Variants in ADCY1 observed in about 807,000 individuals in gnomAD.
ADCY1 encodes adenylate cyclase 1, also known as adenylate cyclase type 1.
In ADCY1, 28 loss-of-function variants were observed where a neutral mutation model predicts 105.4. That is an observed-to-expected ratio of 0.27 (90% CI 0.20 to 0.36). The LOEUF (loss-of-function observed/expected upper bound fraction) is 0.36, where lower values mean the gene tolerates loss of function less well. Ranked by LOEUF, ADCY1 falls within the 10% of genes least tolerant of loss-of-function variation. The pLI is 1.00. For missense variants in ADCY1, 977 were observed against 1,434.2 expected, an observed-to-expected ratio of 0.68 and a Z score of 5.15; for synonymous variants, 655 against 623.8, an observed-to-expected ratio of 1.05 and a Z score of -0.75.
intron 8 of ADCY1, among the ~76,000 whole-genome samples, chr7:45,664,116 G>A (rs969947548): frequency 6.6e-6 from 1 of 152,178 alleles, no homozygotes; most frequent in Admixed American, 6.5e-5. Context: ...GGAGGGTGAG[G>A]AACCTGATCA....
chr7:45,718,754 GA>G lies in ADCY1; in HGVS notation c.*4760del. On this transcript the variant is annotated 3_prime_UTR_variant, in exon 20 of 20. Coordinates refer to ENST00000297323, the MANE Select transcript of ADCY1 (RefSeq NM_021116.4). ...ATCCCAGCTGGACTGAGCCTGGGGG[GA>G]GGGGCTGGAGCCAAGGAGCCCCCCT... 6.6e-6 allele frequency: 1 copy of G among 152,590 alleles called. No homozygotes were observed. The highest frequency in any genetic ancestry group is 1.5e-5 in the Non-Finnish European group (1 of 68,244). The allele number at this position is 152,590 out of a possible 1,614,324, so 9.5% of individuals were successfully genotyped here. A position where few individuals can be genotyped will look rare whatever the true frequency, so the allele number is the denominator to read the frequency against.
chr7:45,652,050 C>A (rs1584304559), intron 5 of ADCY1, among the ~76,000 whole-genome samples: 1 of 152,160 alleles, frequency 6.6e-6, no homozygotes, highest in Non-Finnish European at 1.5e-5. Context: ...AGGAGACTTA[C>A]AATCATGGCG....
At chr7:45,694,207 C>G (rs1784838385) in intron 14 of ADCY1, among the ~76,000 whole-genome samples, 1 of 151,312 alleles carries the variant, frequency 6.6e-6, no homozygotes, top group Non-Finnish European at 1.5e-5. Flanking sequence ...AATACGCATT[C>G]TATTCAAGAG....
Position 45,662,114 on chromosome 7 carries a change from A to G in ADCY1, c.1505A>G (p.Lys502Arg), listed in dbSNP as rs997077916. Residue 502 changes from lysine (K) to arginine (R), a missense_variant, in exon 8 of 20, where the codon AAG becomes AGG. Transcript: ENST00000297323. ...DIKPAKRMKF[K>R]TVCYLLVQLM... Reference sequence around the variant, plus strand: ...AAACCGGCCAAAAGGATGAAGTTCAAGACTGTCTGCTACCTGCTGGTGCAG... The same window carrying G: ...AAACCGGCCAAAAGGATGAAGTTCAGGACTGTCTGCTACCTGCTGGTGCAG... The G allele has an allele frequency of 1.2e-6, 2 of 1,614,182 alleles. No individual in the cohort carries two copies. Among genetic ancestry groups the G allele is most frequent in the African/African-American group, 2.7e-5 (2 of 75,074 alleles).
chr7:45,636,530 T>A (rs1382670527), intron 4 of ADCY1, among the ~76,000 whole-genome samples: 2 of 152,142 alleles, frequency 1.3e-5, no homozygotes, highest in East Asian at 3.9e-4. Context: ...CTTTTATTTT[T>A]AGTCTGTTTG....
intron 3 of ADCY1, among the ~76,000 whole-genome samples, chr7:45,618,365 AC>A (rs1337135433): frequency 6.6e-6 from 1 of 152,208 alleles, no homozygotes; most frequent in Non-Finnish European, 1.5e-5. Flanking sequence ...TAAGACAAAA[AC>A]TAGAGAAATG....
At chr7:45,610,586 T>G in intron 3 of ADCY1, 89 bp downstream of exon 3, 41 of 1,110,654 alleles carry the variant, frequency 3.7e-5, no homozygotes, top group Non-Finnish European at 4.4e-5. Flanking sequence ...ATGACAGAAG[T>G]GGGGAAGGGA....
In ADCY1 at chr7:45,651,344, TC is replaced by T. The variant is rs1242432354; in HGVS notation, c.1148+2551del. Reference sequence around the variant, plus strand: ...TGGGACCATCTTGGCATCTGGTGCATCCCCTGCCAGCCACATTGGGCTGTGT... The same window carrying T: ...TGGGACCATCTTGGCATCTGGTGCATCCCTGCCAGCCACATTGGGCTGTGT... On this transcript the variant is annotated intron_variant, in intron 5 of 19. Transcript: ENST00000297323. Among the ~76,000 whole-genome samples, 7 of 152,204 alleles carry T rather than the reference TC, an allele frequency of 4.6e-5. No homozygotes were observed. In the East Asian group the frequency reaches 1.3e-3, roughly 29 times the overall value.
chr7:45,668,787 A>C (rs1246051895), intron 8 of ADCY1, among the ~76,000 whole-genome samples: 3 of 152,100 alleles, frequency 2.0e-5, no homozygotes, highest in African/African-American at 7.2e-5. Context: ...GTAAGCTATT[A>C]ATTATTGCCT....
chr7:45,660,581 AG>A (rs1795068868), intron 7 of ADCY1, among the ~76,000 whole-genome samples: 1 of 152,222 alleles, frequency 6.6e-6, no homozygotes, highest in African/African-American at 2.4e-5. Flanking sequence ...GGGGCACTTG[AG>A]GTCACCCTGC....
At chr7:45,586,095 T>C (rs2115742460) in intron 1 of ADCY1, among the ~76,000 whole-genome samples, 1 of 152,298 alleles carries the variant, frequency 6.6e-6, no homozygotes, top group South Asian at 2.1e-4. Context: ...GTTCCTCACT[T>C]TCCTGCTGGT....
At position 45,718,132 on chromosome 7, in the gene ADCY1, A is replaced by T. The variant is rs1451219740; in HGVS notation, c.*4137A>T. The T allele has an allele frequency of 6.6e-6, 1 of 152,128 alleles. No individual in the cohort carries two copies. Among genetic ancestry groups the T allele is most frequent in the African/African-American group, 2.4e-5 (1 of 41,396 alleles). 9.4% of individuals were successfully genotyped at this position (152,128 alleles called of 1,614,324 possible). ...CAGACAGAGCCGGCGTTAAACCCCGATCAGGTCATTGTCACCACACCCTTG... is the reference window on the plus strand; with the variant it reads ...CAGACAGAGCCGGCGTTAAACCCCGTTCAGGTCATTGTCACCACACCCTTG... On this transcript the variant is annotated 3_prime_UTR_variant, in exon 20 of 20. Coordinates refer to ENST00000297323, the MANE Select transcript of ADCY1 (RefSeq NM_021116.4).
At chr7:45,684,563 A>G (rs1228261428) in intron 11 of ADCY1, 2 of 154,398 alleles carry the variant, frequency 1.3e-5, no homozygotes, top group African/African-American at 4.8e-5. Context: ...TAATAACTCT[A>G]TAAAACCTAC....
chr7:45,706,328 T>C (rs1403344361), intron 17 of ADCY1, among the ~76,000 whole-genome samples: 1 of 152,016 alleles, frequency 6.6e-6, no homozygotes. Flanking sequence ...CAGCGTGGTA[T>C]TGGCAAAAGA....
chr7:45,676,921 T>G (rs1359743221), intron 8 of ADCY1, among the ~76,000 whole-genome samples: 1 of 152,022 alleles, frequency 6.6e-6, no homozygotes, highest in Non-Finnish European at 1.5e-5. Context: ...TGCCCCTTTT[T>G]TTTTCTTTGG....
At chr7:45,578,350 T>C (rs906456563) in intron 1 of ADCY1, among the ~76,000 whole-genome samples, 1 of 152,156 alleles carries the variant, frequency 6.6e-6, no homozygotes, top group African/African-American at 2.4e-5. Flanking sequence ...CTGAGTTCCT[T>C]TCCTCTCCCA....
At position 45,714,333 on chromosome 7, in the gene ADCY1, A is replaced by G; in HGVS notation, c.*338A>G. 1 of 316,596 alleles carries G rather than the reference A, an allele frequency of 3.2e-6. No homozygotes were observed. The highest frequency in any genetic ancestry group is 5.9e-6 in the Non-Finnish European group (1 of 170,080). 19.6% of individuals were successfully genotyped at this position (316,596 alleles called of 1,614,324 possible). On this transcript the variant is annotated 3_prime_UTR_variant, in exon 20 of 20. Transcript: ENST00000297323. ...GTTTGGCCAGGTCGGCATCAATGTA[A>G]GGACCTTCAGAGCATCCCAGGGTTA...
chr7:45,687,918 G>A (rs982821497), intron 14 of ADCY1, among the ~76,000 whole-genome samples: 19 of 152,228 alleles, frequency 1.2e-4, no homozygotes, highest in Non-Finnish European at 2.2e-4. Context: ...GGCAGGTGCA[G>A]CCCAGAGTTG....
chr7:45,593,971 A>C (rs1460568935), intron 2 of ADCY1, among the ~76,000 whole-genome samples: 1 of 152,172 alleles, frequency 6.6e-6, no homozygotes, highest in Non-Finnish European at 1.5e-5. Context: ...GTATATGTAC[A>C]TGTGCATCCC....
Sources: gnomAD v4.1 joint callset for allele counts (sites outside exome capture counted in the v4.1 genomes callset) on GRCh38, gnomAD v4.1.1 for gene constraint, MANE v1.5 for transcripts, NCBI Gene and HGNC (gene_info 2026-07-23, HGNC 2026-07-21) for gene names.